The following PTPRD variants were observed in gnomAD, a reference collection of about 807,000 sequenced individuals.
PTPRD encodes receptor-type tyrosine-protein phosphatase delta.
A neutral mutation model predicts 214.5 loss-of-function variants in PTPRD; 34 were observed. That is an observed-to-expected ratio of 0.16 (90% CI 0.12 to 0.21). The LOEUF is 0.21. PTPRD is among the 10% of genes least tolerant of loss of function. The probability of loss-of-function intolerance (pLI) is 1.00; values close to 1 mark genes in which losing one functional copy is unlikely to be tolerated. For synonymous variants in PTPRD, 1,128 were observed against 845.7 expected, an observed-to-expected ratio of 1.33 and a Z score of -5.79; for missense variants, 2,545 against 2,398.7, an observed-to-expected ratio of 1.06 and a Z score of -1.27.
At chr9:9,965,851 G>A (rs755308906) in intron 4 of PTPRD, among the ~76,000 whole-genome samples, 4 of 152,250 alleles carry the variant, frequency 2.6e-5, no homozygotes, top group Non-Finnish European at 2.9e-5. Context: ...CATACAGTAG[G>A]TGTACAATGA....
intron 10 of PTPRD, among the ~76,000 whole-genome samples, chr9:9,177,014 A>G (rs2099925307): frequency 6.6e-6 from 1 of 152,122 alleles, no homozygotes; most frequent in African/African-American, 2.4e-5. Context: ...GCCCACTTGT[A>G]TTAATTCATT....
rs1280819965 is a variant in PTPRD, at chr9:9,418,126, G to T, written c.-236-20644C>A. Among the ~76,000 whole-genome samples the T allele has an allele frequency of 2.0e-5, 3 of 152,022 alleles. No homozygotes were observed. In the East Asian group the frequency reaches 5.8e-4, roughly 29 times the overall value. ...ACTTCAATCCACATACATAAGACTT[G>T]CATGGCATCTCATTTTCAGATCCTT... On this transcript the variant is annotated intron_variant, in intron 8 of 45. Coordinates refer to ENST00000381196, the MANE Select transcript of PTPRD (RefSeq NM_002839.4).
At chr9:10,218,421 G>A (rs935459626) in intron 3 of PTPRD, among the ~76,000 whole-genome samples, 2 of 151,732 alleles carry the variant, frequency 1.3e-5, no homozygotes, top group Non-Finnish European at 2.9e-5. Flanking sequence ...AGTGCAATAT[G>A]TATCTTATGG....
intron 29 of PTPRD, 65 bp from the exon 30 acceptor site, chr9:8,484,443 C>T (rs2135802412): frequency 6.7e-7 from 1 of 1,503,724 alleles, no homozygotes; most frequent in African/African-American, 1.4e-5. Context: ...ATTTTCTAAA[C>T]CAATGTGCAC....
chr9:9,998,123 A>AT (rs1555449048), intron 4 of PTPRD, among the ~76,000 whole-genome samples: 17 of 47,736 alleles, frequency 3.6e-4, no homozygotes, highest in African/African-American at 1.0e-3. Context: ...AATAAAAAAA[A>AT]AAAAAAATAT....
rs143962438 is a variant in PTPRD, at chr9:9,032,219, T to A, written c.-142-13484A>T. ...CCTAAAAATGATGACTGCATCCATT[T>A]CCACCCAACGCCACATTCTGAAAGT... On this transcript the variant is annotated intron_variant, in intron 10 of 45. Transcript: ENST00000381196. Among the ~76,000 whole-genome samples the A allele has an allele frequency of 8.0e-4, 122 of 152,088 alleles. 2 individuals are homozygous for A. The East Asian group carries it at 0.022, about 27-fold the overall frequency.
intron 11 of PTPRD, among the ~76,000 whole-genome samples, chr9:8,943,379 A>G (rs1299649000): frequency 6.6e-6 from 1 of 151,992 alleles, no homozygotes; most frequent in Non-Finnish European, 1.5e-5. Context: ...AAATTATACT[A>G]CAGAGCTATA....
chr9:8,691,000 AG>A (rs2097789126), intron 12 of PTPRD, among the ~76,000 whole-genome samples: 1 of 152,190 alleles, frequency 6.6e-6, no homozygotes, highest in Non-Finnish European at 1.5e-5. Context: ...CACAAAAGTA[AG>A]CCTCTGAGAA....
At chr9:8,703,461 A>T (rs2098133592) in intron 12 of PTPRD, among the ~76,000 whole-genome samples, 1 of 152,140 alleles carries the variant, frequency 6.6e-6, no homozygotes, top group Non-Finnish European at 1.5e-5. Context: ...TGTCCCTGCT[A>T]TTACCAAGTC....
At chr9:8,849,786 G>A (rs938338714) in intron 11 of PTPRD, among the ~76,000 whole-genome samples, 4 of 152,150 alleles carry the variant, frequency 2.6e-5, no homozygotes, top group African/African-American at 7.2e-5. Flanking sequence ...TGCAATTTGG[G>A]AGCAGACTGC....
intron 11 of PTPRD, among the ~76,000 whole-genome samples, chr9:8,891,122 C>G (rs2098535539): frequency 6.9e-6 from 1 of 144,676 alleles, no homozygotes; most frequent in Non-Finnish European, 1.5e-5. Flanking sequence ...AACTTCTGTG[C>G]TTTGAATTAA....
intron 2 of PTPRD, among the ~76,000 whole-genome samples, chr9:10,607,711 C>A (rs576668213): frequency 1.3e-5 from 2 of 151,970 alleles, no homozygotes; most frequent in Admixed American, 6.6e-5. Flanking sequence ...TTTCCAATTT[C>A]ATCAGTTATA....
chr9:8,534,587 C>T (rs548510025), intron 14 of PTPRD, among the ~76,000 whole-genome samples: 35 of 150,746 alleles, frequency 2.3e-4, no homozygotes, highest in South Asian at 1.0e-3. Flanking sequence ...AAATGATAGA[C>T]GAGTAATATG....
At chr9:8,977,116 C>G (rs1041978047) in intron 11 of PTPRD, among the ~76,000 whole-genome samples, 3 of 152,120 alleles carry the variant, frequency 2.0e-5, no homozygotes, top group African/African-American at 7.2e-5. Context: ...CCTGTCGATT[C>G]TGTGCTGGTA....
At chr9:9,879,150 G>A (rs2067817767) in intron 5 of PTPRD, among the ~76,000 whole-genome samples, 1 of 152,220 alleles carries the variant, frequency 6.6e-6, no homozygotes, top group Non-Finnish European at 1.5e-5. Context: ...CATAGAGACA[G>A]AGTATGAAGG....
At chr9:9,794,361 C>G (rs749035855) in intron 5 of PTPRD, among the ~76,000 whole-genome samples, 11 of 151,758 alleles carry the variant, frequency 7.2e-5, no homozygotes, top group Non-Finnish European at 1.6e-4. Context: ...TTTTGCAAGG[C>G]AAATGAGTGG....
chr9:8,439,403 G>A (rs577052822), intron 34 of PTPRD, among the ~76,000 whole-genome samples: 1 of 152,210 alleles, frequency 6.6e-6, no homozygotes, highest in Admixed American at 6.5e-5. Context: ...GTCTATTGGT[G>A]CATATGTAAG....
intron 39 of PTPRD, among the ~76,000 whole-genome samples, chr9:8,367,283 C>G (rs962815613): frequency 4.6e-5 from 7 of 151,852 alleles, no homozygotes; most frequent in Admixed American, 4.6e-4. Context: ...CCCAATAATT[C>G]TGCCAAAATT....
chr9:9,277,293 A>C (rs1301623750), intron 9 of PTPRD, among the ~76,000 whole-genome samples: 1 of 151,404 alleles, frequency 6.6e-6, no homozygotes, highest in African/African-American at 2.4e-5. Flanking sequence ...TTAAAATGCC[A>C]ATCTGTAAGA....
Sources: gnomAD v4.1 joint callset for allele counts (sites outside exome capture counted in the v4.1 genomes callset) on GRCh38, gnomAD v4.1.1 for gene constraint, MANE v1.5 for transcripts, NCBI Gene and HGNC (gene_info 2026-07-23, HGNC 2026-07-21) for gene names.